Variants in PANK2 observed in about 807,000 individuals in gnomAD.
PANK2 encodes the protein pantothenate kinase 2, mitochondrial.
Under a neutral mutation model 43.1 loss-of-function variants are expected in PANK2, and 36 were observed. The ratio of observed to expected loss-of-function variants is 0.84; its 90% CI spans 0.64 to 1.10. PANK2 has a LOEUF of 1.10. Ranked by LOEUF, PANK2 falls within the 50% of genes least tolerant of loss-of-function variation. The pLI is 0.00. For missense variants in PANK2, 576 were observed against 593.3 expected, an observed-to-expected ratio of 0.97 and a Z score of 0.30; for synonymous variants, 281 against 238.2, an observed-to-expected ratio of 1.18 and a Z score of -1.66.
At chr20:3,888,943 AGCGGCC>A, upstream of PANK2, 7 of 576,046 alleles carry the variant, frequency 1.2e-5, no homozygotes, top group Admixed American at 3.2e-5. Flanking sequence ...GCCGACGACC[AGCGGCC>A]AGACGCTGCG....
chr20:3,908,223 CTGTCTTT>C lies in PANK2; in HGVS notation c.600_606del (p.Phe201ProfsTer16), dbSNP rs879253712. On this transcript the variant is annotated frameshift_variant, in exon 2 of 7. Transcript: ENST00000610179. LOFTEE classifies it high-confidence loss of function. ...GATAAAAACTTCTCGAGTCTCCACACTGTCTTTTGTGCCACTGGAGGTGGAGCGTACA... is the reference window on the plus strand; with the variant it reads ...GATAAAAACTTCTCGAGTCTCCACACTGTGCCACTGGAGGTGGAGCGTACA... 1 of 1,613,226 alleles carries C rather than the reference CTGTCTTT, an allele frequency of 6.2e-7. No individual in the cohort carries two copies. The highest frequency in any genetic ancestry group is 8.5e-7 in the Non-Finnish European group (1 of 1,180,016).
chr20:3,902,672 C>T (rs1464766183), intron 1 of PANK2, among the ~76,000 whole-genome samples: 1 of 151,404 alleles, frequency 6.6e-6, no homozygotes, highest in Non-Finnish European at 1.5e-5. Flanking sequence ...CCTCCCATCT[C>T]GGCCTCCCAA....
At chr20:3,902,991 A>G (rs1218347594) in intron 1 of PANK2, among the ~76,000 whole-genome samples, 9 of 148,838 alleles carry the variant, frequency 6.0e-5, no homozygotes, top group African/African-American at 2.3e-4. Flanking sequence ...ACACACACAC[A>G]CACACACACA....
At position 3,925,047 on chromosome 20, in the gene PANK2, C is replaced by T. The variant is rs995250550; in HGVS notation, c.*1753C>T. ...ACGGATGAGTAAGGCTGCCCAGGGT[C>T]ACTCAGCTGGAAAAGAGTAGAGCTG... On this transcript the variant is annotated 3_prime_UTR_variant, in exon 7 of 7. Coordinates refer to ENST00000610179, the MANE Select transcript of PANK2 (RefSeq NM_001386393.1). The T allele has an allele frequency of 6.6e-6, 1 of 152,426 alleles. No individual in the cohort carries two copies. Among genetic ancestry groups the T allele is most frequent in the Non-Finnish European group, 1.5e-5 (1 of 68,188 alleles). 9.4% of individuals were successfully genotyped at this position (152,426 alleles called of 1,614,324 possible). A position where few individuals can be genotyped will look rare whatever the true frequency, so the allele number is the denominator to read the frequency against.
rs1208825855 is a variant in PANK2, at chr20:3,893,656, CA to C, written c.298+3931del. On this transcript the variant is annotated intron_variant, in intron 1 of 6. Coordinates refer to ENST00000610179, the MANE Select transcript of PANK2 (RefSeq NM_001386393.1). The stretch of plus-strand genomic sequence containing the variant: ...GGGGCTTGTTGATTTTGGACTCCTA[CA>C]AATCTAACCTTCATAATACAGTTTT... 2.0e-5 allele frequency among the ~76,000 whole-genome samples: 3 copies of C among 152,130 alleles called. No individual in the cohort carries two copies. In the East Asian group the frequency reaches 5.8e-4, roughly 29 times the overall value.
At chr20:3,914,356 C>A (rs376131326) in intron 4 of PANK2, among the ~76,000 whole-genome samples, 1 of 152,090 alleles carries the variant, frequency 6.6e-6, no homozygotes, top group African/African-American at 2.4e-5. Context: ...CGCCCTGTTG[C>A]CCACATGAGA....
chr20:3,912,648 T>C lies in PANK2; in HGVS notation c.1082+14T>C, dbSNP rs530140831. On this transcript the variant is annotated intron_variant, in intron 4 of 6. Coordinates refer to ENST00000610179, the MANE Select transcript of PANK2 (RefSeq NM_001386393.1). Reference sequence around the variant, plus strand: ...TGTGGCTTCAAGGTAAGGGGGCATGTGTGTTCTAAGAAATACAGGCGGGCC... The same window carrying C: ...TGTGGCTTCAAGGTAAGGGGGCATGCGTGTTCTAAGAAATACAGGCGGGCC... The C allele has an allele frequency of 1.2e-6, 2 of 1,613,496 alleles. No homozygotes were observed. Among genetic ancestry groups the C allele is most frequent in the South Asian group, 2.2e-5 (2 of 91,068 alleles).
intron 4 of PANK2, among the ~76,000 whole-genome samples, chr20:3,913,678 A>T (rs1731814445): frequency 6.7e-6 from 1 of 150,098 alleles, no homozygotes; most frequent in Non-Finnish European, 1.5e-5. Flanking sequence ...CATTTTATCC[A>T]TTTATTGGTT....
Position 3,891,566 on chromosome 20 carries a change from C to T in PANK2, c.298+1838C>T, listed in dbSNP as rs113592207. Among the ~76,000 whole-genome samples the T allele has an allele frequency of 2.5e-3, 384 of 152,286 alleles. 4 individuals are homozygous for T. Among genetic ancestry groups the T allele is most frequent in the African/African-American group, 8.8e-3 (367 of 41,552 alleles). ...TGTGTTTTTCTGAATTATTTACGTT[C>T]TGTTAGTTATTTCTTCATTGCTCTA... On this transcript the variant is annotated intron_variant, in intron 1 of 6. Coordinates refer to ENST00000610179, the MANE Select transcript of PANK2 (RefSeq NM_001386393.1).
chr20:3,914,127 GAGT>G (rs1267215090), intron 4 of PANK2, among the ~76,000 whole-genome samples: 1 of 151,918 alleles, frequency 6.6e-6, no homozygotes, highest in Non-Finnish European at 1.5e-5. Flanking sequence ...ATATACCTGA[GAGT>G]AGAATTGCTG....
rs948491756 is a variant in PANK2 at position 3,928,816 on chromosome 20, G to A, written c.*5522G>A. ...ATTTCTGTTGTCAAATGGAAAACAAGGCATAAAGGGAAAATTCTGTAGGAA... is the reference window on the plus strand; with the variant it reads ...ATTTCTGTTGTCAAATGGAAAACAAAGCATAAAGGGAAAATTCTGTAGGAA... On this transcript the variant is annotated 3_prime_UTR_variant, in exon 7 of 7. Transcript: ENST00000610179. The A allele has an allele frequency of 4.2e-5, 6 of 143,468 alleles. No individual in the cohort carries two copies. The Admixed American group carries it at 4.2e-4, about 10-fold the overall frequency. The allele number at this position is 143,468 out of a possible 1,614,324, so 8.9% of individuals were successfully genotyped here.
intron 1 of PANK2, among the ~76,000 whole-genome samples, chr20:3,893,738 C>T (rs555271833): frequency 1.3e-5 from 2 of 152,062 alleles, no homozygotes; most frequent in South Asian, 4.2e-4. Context: ...CTTGGCTTTC[C>T]GAGGAGCGTT....
rs1386059404 is a variant in PANK2, at chr20:3,909,293, TG to T, written c.651+1017del. ...CAGGGTTTCTCCATGTTGGTCAGGC[TG>T]GTCTCGAACTCCTGATCTCAGGTGA... On this transcript the variant is annotated intron_variant, in intron 2 of 6. Transcript: ENST00000610179. 3.3e-5 allele frequency among the ~76,000 whole-genome samples: 5 copies of T among 152,272 alleles called. No individual in the cohort carries two copies. The East Asian group carries it at 9.7e-4, about 29-fold the overall frequency.
At chr20:3,923,017 A>G (rs1182819615) in intron 6 of PANK2, among the ~76,000 whole-genome samples, 2 of 151,876 alleles carry the variant, frequency 1.3e-5, no homozygotes, top group Non-Finnish European at 2.9e-5. Context: ...TCCTCTTATC[A>G]CAGTGGTCTG....
intron 4 of PANK2, among the ~76,000 whole-genome samples, chr20:3,914,864 C>T (rs1161564795): frequency 6.6e-6 from 1 of 152,186 alleles, no homozygotes; most frequent in African/African-American, 2.4e-5. Context: ...CCCACCTTGG[C>T]CTCCCAAAGT....
intron 1 of PANK2, among the ~76,000 whole-genome samples, chr20:3,904,851 T>C (rs1004925494): frequency 6.6e-6 from 1 of 152,238 alleles, no homozygotes; most frequent in Non-Finnish European, 1.5e-5. Flanking sequence ...TTGTAGTTTT[T>C]CTAGTTTGTA....
chr20:3,909,148 A>G lies in PANK2; in HGVS notation c.651+870A>G, dbSNP rs140693114. Among the ~76,000 whole-genome samples the G allele has an allele frequency of 5.0e-3, 767 of 152,206 alleles. 5 individuals are homozygous for G. The highest frequency in any genetic ancestry group is 0.014 in the Middle Eastern group (4 of 294). Reference sequence around the variant, plus strand: ...GTTCTTGTTCCCAGGCTGGAATGCAATGGCTCAACACAACCTCCACCTCTC... The same window carrying G: ...GTTCTTGTTCCCAGGCTGGAATGCAGTGGCTCAACACAACCTCCACCTCTC... On this transcript the variant is annotated intron_variant, in intron 2 of 6. Coordinates refer to ENST00000610179, the MANE Select transcript of PANK2 (RefSeq NM_001386393.1).
At chr20:3,896,460 C>T (rs1390715514) in intron 1 of PANK2, among the ~76,000 whole-genome samples, 1 of 152,110 alleles carries the variant, frequency 6.6e-6, no homozygotes, top group Non-Finnish European at 1.5e-5. Flanking sequence ...TGGCATACAA[C>T]TCCTGAAATC....
rs1421461495 is a variant in PANK2 at position 3,927,259 on chromosome 20, CG to C, written c.*3966del. The stretch of plus-strand genomic sequence containing the variant: ...TTCCAAGTCTTGCTGAAGGTGCTTG[CG>C]TAAGTGGCACATGGATGTTCCCTCT... On this transcript the variant is annotated 3_prime_UTR_variant, in exon 7 of 7. Transcript: ENST00000610179. The C allele has an allele frequency of 6.6e-6, 1 of 152,202 alleles. No individual in the cohort carries two copies. Among genetic ancestry groups the C allele is most frequent in the Non-Finnish European group, 1.5e-5 (1 of 68,050 alleles). The allele number at this position is 152,202 out of a possible 1,614,324, so 9.4% of individuals were successfully genotyped here.
Sources: gnomAD v4.1 joint callset for allele counts (sites outside exome capture counted in the v4.1 genomes callset) on GRCh38, gnomAD v4.1.1 for gene constraint, MANE v1.5 for transcripts, NCBI Gene and HGNC (gene_info 2026-07-23, HGNC 2026-07-21) for gene names.